Variants in PALM2AKAP2 observed in about 807,000 individuals in gnomAD.
PALM2AKAP2 encodes PALM2 and AKAP2 fusion.
In PALM2AKAP2, 37 loss-of-function variants were observed where a neutral mutation model predicts 71.5. That is an observed-to-expected ratio of 0.52 (90% CI 0.40 to 0.68). The LOEUF is 0.68. Ranked by LOEUF, PALM2AKAP2 falls within the 30% of genes least tolerant of loss-of-function variation. The probability of loss-of-function intolerance (pLI) is 0.00; values close to 1 mark genes in which losing one functional copy is unlikely to be tolerated. For missense variants in PALM2AKAP2, 1,224 were observed against 1,191.8 expected, an observed-to-expected ratio of 1.03 and a Z score of -0.40; for synonymous variants, 468 against 478.8, an observed-to-expected ratio of 0.98 and a Z score of 0.29.
intron 6 of PALM2AKAP2, among the ~76,000 whole-genome samples, chr9:109,990,309 C>A (rs968035039): frequency 4.6e-5 from 7 of 152,166 alleles, no homozygotes; most frequent in Non-Finnish European, 1.0e-4. Context: ...ATCCGCCTGT[C>A]TCAGCCTCCC....
chr9:110,152,758 C>T (rs1007657417), intron 2 of PALM2AKAP2, among the ~76,000 whole-genome samples: 1 of 152,232 alleles, frequency 6.6e-6, no homozygotes, highest in Non-Finnish European at 1.5e-5. Context: ...GAACAGGTTT[C>T]TCTCCAGCCT....
intron 1 of PALM2AKAP2, among the ~76,000 whole-genome samples, chr9:110,114,926 C>T (rs911495291): frequency 1.3e-5 from 2 of 152,184 alleles, no homozygotes; most frequent in Non-Finnish European, 2.9e-5. Flanking sequence ...TAGTCGGTTT[C>T]GTTTGCATTA....
At chr9:109,874,337 A>G (rs1829672242) in intron 2 of PALM2AKAP2, among the ~76,000 whole-genome samples, 2 of 152,238 alleles carry the variant, frequency 1.3e-5, no homozygotes, top group Non-Finnish European at 2.9e-5. Flanking sequence ...AAAAGAAAAA[A>G]GGATTCTTGG....
chr9:109,803,341 T>C (rs1827485092), intron 1 of PALM2AKAP2, among the ~76,000 whole-genome samples: 1 of 152,218 alleles, frequency 6.6e-6, no homozygotes, highest in Non-Finnish European at 1.5e-5. Flanking sequence ...TTGGATCTGG[T>C]AGGTTCTGCC....
intron 1 of PALM2AKAP2, among the ~76,000 whole-genome samples, chr9:109,818,822 T>C (rs892439501): frequency 2.0e-5 from 3 of 152,200 alleles, no homozygotes; most frequent in Non-Finnish European, 2.9e-5. Context: ...GGTAATATCA[T>C]TAAAACTTGA....
chr9:109,703,209 A>G (rs1373285513), intron 1 of PALM2AKAP2, among the ~76,000 whole-genome samples: 1 of 152,216 alleles, frequency 6.6e-6, no homozygotes, highest in Non-Finnish European at 1.5e-5. Context: ...GTCTTTTGCA[A>G]TATTGCTGAT....
intron 6 of PALM2AKAP2, among the ~76,000 whole-genome samples, chr9:109,954,757 A>G (rs1831715882): frequency 6.6e-6 from 1 of 152,140 alleles, no homozygotes; most frequent in South Asian, 2.1e-4. Flanking sequence ...TCTGGGCTGA[A>G]TCTGGCCTAC....
At chr9:110,085,728 G>A (rs979619535) in intron 1 of PALM2AKAP2, among the ~76,000 whole-genome samples, 2 of 152,198 alleles carry the variant, frequency 1.3e-5, no homozygotes, top group Non-Finnish European at 2.9e-5. Context: ...TGAGGGGGAT[G>A]CCAATGGATA....
chr9:109,827,170 G>A (rs1257837517), intron 1 of PALM2AKAP2, among the ~76,000 whole-genome samples: 5 of 152,196 alleles, frequency 3.3e-5, no homozygotes, highest in African/African-American at 1.2e-4. Flanking sequence ...TGGCATGCAT[G>A]TAGGCAGTTG....
chr9:109,880,950 G>A (rs1677032978), intron 3 of PALM2AKAP2, among the ~76,000 whole-genome samples: 2 of 152,044 alleles, frequency 1.3e-5, no homozygotes, highest in African/African-American at 2.4e-5. Context: ...AACTTGTATC[G>A]TGGGGATTTG....
intron 6 of PALM2AKAP2, among the ~76,000 whole-genome samples, chr9:109,954,110 T>C (rs1588030896): frequency 1.3e-5 from 2 of 152,174 alleles, no homozygotes; most frequent in African/African-American, 2.4e-5. Context: ...GTTGTTCTAT[T>C]TGACAGTTTT....
intron 1 of PALM2AKAP2, among the ~76,000 whole-genome samples, chr9:110,105,461 G>A (rs1835096371): frequency 6.6e-6 from 1 of 152,184 alleles, no homozygotes; most frequent in African/African-American, 2.4e-5. Flanking sequence ...TTTTGTCACT[G>A]ACATTAGGTG....
At chr9:109,982,264 TG>T (rs748726335) in intron 6 of PALM2AKAP2, among the ~76,000 whole-genome samples, 4 of 152,110 alleles carry the variant, frequency 2.6e-5, no homozygotes, top group African/African-American at 4.8e-5. Context: ...ATTGAACTCA[TG>T]GACATAGAGA....
chr9:109,727,936 A>T (rs1228899450), intron 1 of PALM2AKAP2, among the ~76,000 whole-genome samples: 4 of 152,218 alleles, frequency 2.6e-5, no homozygotes, highest in Non-Finnish European at 4.4e-5. Flanking sequence ...TAACCCCTTT[A>T]GATCAGTGCC....
rs1836794449 is a variant in PALM2AKAP2, at chr9:110,168,727, C to G, written c.*230C>G. Reference sequence around the variant, plus strand: ...AAGAGAAAGGACTTTTTTGGTGACTCAATCCCAGTGTCTGGTTTGGGGCCA... The same window carrying G: ...AAGAGAAAGGACTTTTTTGGTGACTGAATCCCAGTGTCTGGTTTGGGGCCA... On this transcript the variant is annotated 3_prime_UTR_variant, in exon 4 of 4. Transcript: ENST00000374525. 3 of 487,858 alleles carry G rather than the reference C, an allele frequency of 6.1e-6. No individual in the cohort carries two copies. In the Admixed American group the frequency reaches 1.2e-4, roughly 19 times the overall value. 30.2% of individuals were successfully genotyped at this position (487,858 alleles called of 1,614,324 possible).
intron 3 of PALM2AKAP2, among the ~76,000 whole-genome samples, chr9:109,902,685 A>C (rs527856498): frequency 3.9e-4 from 59 of 152,338 alleles, no homozygotes; most frequent in Non-Finnish European, 7.5e-4. Context: ...TAGCTTTTAG[A>C]GTAGAGGACC....
chr9:109,800,297 C>T (rs947884672), intron 1 of PALM2AKAP2, among the ~76,000 whole-genome samples: 1 of 152,216 alleles, frequency 6.6e-6, no homozygotes, highest in East Asian at 1.9e-4. Flanking sequence ...TTAATATATA[C>T]TACTGTTATG....
chr9:110,048,870 TGGGGA>T (rs905765090), intron 1 of PALM2AKAP2: 4 of 1,518,356 alleles, frequency 2.6e-6, no homozygotes, highest in Non-Finnish European at 3.5e-6. Flanking sequence ...GTGTCCAAGC[TGGGGA>T]GGGGAGGGGC....
intron 1 of PALM2AKAP2, among the ~76,000 whole-genome samples, chr9:109,757,704 C>T (rs1828985324): frequency 1.3e-5 from 2 of 151,948 alleles, no homozygotes; most frequent in African/African-American, 4.8e-5. Context: ...TCTTCGACAG[C>T]TTACTAGATC....
Sources: allele counts gnomAD v4.1 joint callset (sites outside exome capture counted in the v4.1 genomes callset), GRCh38; gene constraint gnomAD v4.1.1; transcripts MANE v1.5; gene names NCBI Gene and HGNC (gene_info 2026-07-23, HGNC 2026-07-21).